The following NBEA variants were observed in gnomAD, a reference collection of about 807,000 sequenced individuals.
NBEA encodes the protein neurobeachin.
NBEA carries 44 observed loss-of-function variants against 343.4 expected under a neutral mutation model. That is an observed-to-expected ratio of 0.13 (90% CI 0.10 to 0.16). The LOEUF is 0.16. NBEA is among the 10% of genes least tolerant of loss of function. The pLI is 1.00. For synonymous variants in NBEA, 1,175 were observed against 1,238.7 expected (o/e 0.95, Z 1.08); for missense variants, 2,555 against 3,631.3 (o/e 0.70, Z 7.62).
intron 34 of NBEA, among the ~76,000 whole-genome samples, chr13:35,289,304 AC>A (rs1020164662): frequency 6.6e-5 from 10 of 151,916 alleles, no homozygotes; most frequent in African/African-American, 2.4e-4. Flanking sequence ...ATTTCTAAAA[AC>A]TATGAATGTT....
At chr13:34,963,152 T>G (rs2059711553) in intron 1 of NBEA, among the ~76,000 whole-genome samples, 1 of 152,024 alleles carries the variant, frequency 6.6e-6, no homozygotes, top group Non-Finnish European at 1.5e-5. Flanking sequence ...ATTAGTTTAC[T>G]GGAGGTGTCA....
intron 35 of NBEA, among the ~76,000 whole-genome samples, chr13:35,298,765 A>G (rs1052020283): frequency 6.6e-6 from 1 of 152,006 alleles, no homozygotes; most frequent in Non-Finnish European, 1.5e-5. Flanking sequence ...TTCCTTGAGT[A>G]ACCAACTAAA....
intron 1 of NBEA, among the ~76,000 whole-genome samples, chr13:35,025,484 T>C (rs886782347): frequency 2.6e-5 from 4 of 152,158 alleles, no homozygotes; most frequent in Non-Finnish European, 5.9e-5. Flanking sequence ...TGTAGATGTG[T>C]GGCTTTATTT....
Position 34,963,841 on chromosome 13 carries a change from T to C in NBEA, c.294+20727T>C, listed in dbSNP as rs140401663. Among the ~76,000 whole-genome samples the C allele has an allele frequency of 3.0e-3, 460 of 151,988 alleles. 2 individuals are homozygous for C. The highest frequency in any genetic ancestry group is 6.8e-3 in the Middle Eastern group (2 of 294). The stretch of plus-strand genomic sequence containing the variant: ...TAAAAGAAAACACCTTTAAAAAATA[T>C]ATGCTGCAATGTTTGTAGAAAATCT... On this transcript the variant is annotated intron_variant, in intron 1 of 58. Coordinates refer to ENST00000379939, the MANE Select transcript of NBEA (RefSeq NM_001385012.1).
chr13:35,410,036 A>G (rs2152915912), intron 38 of NBEA, among the ~76,000 whole-genome samples: 1 of 152,212 alleles, frequency 6.6e-6, no homozygotes, highest in South Asian at 2.1e-4. Flanking sequence ...GGCATTTATT[A>G]CTGTCTTCCT....
chr13:35,080,079 C>G (rs2064310573), intron 10 of NBEA, among the ~76,000 whole-genome samples: 1 of 152,052 alleles, frequency 6.6e-6, no homozygotes, highest in African/African-American at 2.4e-5. Flanking sequence ...GTTTTTAGAA[C>G]AACACAATTC....
chr13:35,420,115 CCT>C (rs1190146422), intron 38 of NBEA, among the ~76,000 whole-genome samples: 1 of 151,882 alleles, frequency 6.6e-6, no homozygotes, highest in African/African-American at 2.4e-5. Flanking sequence ...CCTCTTATTT[CCT>C]CTCTTTTGCC....
chr13:34,956,354 CA>C (rs1182220007), intron 1 of NBEA, among the ~76,000 whole-genome samples: 2 of 141,340 alleles, frequency 1.4e-5, no homozygotes, highest in Non-Finnish European at 3.1e-5. Context: ...TTTATAAGAG[CA>C]AAAAAACAAT....
chr13:35,589,630 G>A (rs756417625), intron 46 of NBEA, among the ~76,000 whole-genome samples: 2 of 152,064 alleles, frequency 1.3e-5, no homozygotes, highest in African/African-American at 2.4e-5. Context: ...AGCGAAAATC[G>A]TGTAAGACAG....
rs559114387 is a variant in NBEA, at chr13:35,181,314, C to G, written c.4663-1046C>G. Among the ~76,000 whole-genome samples, 6 of 151,554 alleles carry G rather than the reference C, an allele frequency of 4.0e-5. No individual in the cohort carries two copies. The East Asian group carries it at 1.2e-3, about 29-fold the overall frequency. On this transcript the variant is annotated intron_variant, in intron 28 of 58. Transcript: ENST00000379939. ...AGTGTAGAAGTGTTTCCTTTTCACCCCATCTGTGCTAATAACTATTATTTT... is the reference window on the plus strand; with the variant it reads ...AGTGTAGAAGTGTTTCCTTTTCACCGCATCTGTGCTAATAACTATTATTTT...
intron 38 of NBEA, among the ~76,000 whole-genome samples, chr13:35,416,353 A>G (rs1199335854): frequency 1.3e-5 from 2 of 152,136 alleles, no homozygotes; most frequent in African/African-American, 2.4e-5. Flanking sequence ...CCCATTCAGT[A>G]TGATAGTGAG....
At chr13:35,147,902 A>AACG (rs1254040499) in intron 18 of NBEA, among the ~76,000 whole-genome samples, 1 of 152,174 alleles carries the variant, frequency 6.6e-6, no homozygotes, top group Non-Finnish European at 1.5e-5. Flanking sequence ...GTTCACAAAA[A>AACG]ACGATCTAAT....
At position 35,580,467 on chromosome 13, in the gene NBEA, G is replaced by T. The variant is rs139963014; in HGVS notation, c.7036-3431G>T. Among the ~76,000 whole-genome samples, 44 of 152,240 alleles carry T rather than the reference G, an allele frequency of 2.9e-4. No individual in the cohort carries two copies. In the East Asian group the frequency reaches 8.3e-3, roughly 29 times the overall value. ...AAAATCAGATGATATTGACATTGCA[G>T]TATTTGCTAAAATTTTTGAAGTATA... is the stretch of plus-strand genomic sequence containing the variant. On this transcript the variant is annotated intron_variant, in intron 45 of 58. Transcript: ENST00000379939.
chr13:35,404,030 G>T (rs1594502637), intron 38 of NBEA, among the ~76,000 whole-genome samples: 1 of 151,736 alleles, frequency 6.6e-6, no homozygotes, highest in Middle Eastern at 3.4e-3. Flanking sequence ...TCAGAGAAAT[G>T]CAAATCAAAA....
intron 41 of NBEA, among the ~76,000 whole-genome samples, chr13:35,527,047 CCTT>C (rs1372877916): frequency 6.6e-6 from 1 of 152,106 alleles, no homozygotes; most frequent in Non-Finnish European, 1.5e-5. Flanking sequence ...TCTCTTCTCT[CCTT>C]CTTATCTCCC....
chr13:35,426,203 G>A (rs1209946926), intron 38 of NBEA, among the ~76,000 whole-genome samples: 1 of 152,082 alleles, frequency 6.6e-6, no homozygotes, highest in Non-Finnish European at 1.5e-5. Flanking sequence ...ATGTCAGCTG[G>A]CTATTTTGCT....
intron 40 of NBEA, among the ~76,000 whole-genome samples, chr13:35,463,205 G>A (rs1374895951): frequency 1.3e-5 from 2 of 152,212 alleles, no homozygotes; most frequent in South Asian, 2.1e-4. Flanking sequence ...CTATGCTTAC[G>A]AGTCAGGAAC....
At chr13:35,324,969 A>G (rs1333935046) in intron 36 of NBEA, among the ~76,000 whole-genome samples, 3 of 152,108 alleles carry the variant, frequency 2.0e-5, no homozygotes, top group Non-Finnish European at 4.4e-5. Context: ...TAATGAAGCA[A>G]ATGTGGTCCT....
chr13:35,288,585 G>A (rs2035591166), intron 34 of NBEA, among the ~76,000 whole-genome samples: 1 of 151,930 alleles, frequency 6.6e-6, no homozygotes, highest in African/African-American at 2.4e-5. Context: ...ATGATGGAAT[G>A]ATGGTATTTG....
Sources: gnomAD v4.1 joint callset for allele counts (sites outside exome capture counted in the v4.1 genomes callset) on GRCh38, gnomAD v4.1.1 for gene constraint, MANE v1.5 for transcripts, NCBI Gene and HGNC (gene_info 2026-07-23, HGNC 2026-07-21) for gene names.